Variants in TXNIP observed in about 807,000 individuals in gnomAD.
TXNIP encodes the protein thioredoxin interacting protein, also known as thioredoxin-interacting protein.
Under a neutral mutation model 43.9 loss-of-function variants are expected in TXNIP, and 23 were observed. That is an observed-to-expected ratio of 0.52 (90% CI 0.38 to 0.74). The LOEUF is 0.74. Among genes scored for constraint, TXNIP ranks in the 30% least tolerant of loss-of-function variants. TXNIP has a pLI of 0.00. For missense variants in TXNIP, 555 were observed against 485.4 expected (o/e 1.14, Z -1.35); for synonymous variants, 234 against 172.2 (o/e 1.36, Z -2.81).
chr1:145,994,529 C>T lies in TXNIP; in HGVS notation c.831+15G>A. On this transcript the variant is annotated intron_variant, in intron 5 of 7. Coordinates refer to ENST00000582401, the MANE Select transcript of TXNIP (RefSeq NM_006472.6). ...TGAACAATTTCTCTGCTGAAGCCAC[C>T]CTGCATCTACCCACCAGTAAGGAAT... 6.2e-7 allele frequency: 1 copy of T among 1,613,976 alleles called. No individual in the cohort carries two copies. The highest frequency in any genetic ancestry group is 8.5e-7 in the Non-Finnish European group (1 of 1,179,954).
chr1:145,993,750 C>T lies in TXNIP; in HGVS notation c.*101G>A. The T allele has an allele frequency of 7.2e-7, 1 of 1,393,486 alleles. No homozygotes were observed. The allele number at this position is 1,393,486 out of a possible 1,614,324, so 86.3% of individuals were successfully genotyped here. ...GAAGTCAGAGGCTAAGGTGGACCCA[C>T]ACTCCATTGCAGAGACTGTTGAGTC... On this transcript the variant is annotated 3_prime_UTR_variant, in exon 8 of 8. Coordinates refer to ENST00000582401, the MANE Select transcript of TXNIP (RefSeq NM_006472.6).
chr1:145,994,864 C>A, intron 4 of TXNIP, 64 bp from the exon 5 acceptor site: 1 of 1,613,688 alleles, frequency 6.2e-7, no homozygotes, highest in Non-Finnish European at 8.5e-7. Flanking sequence ...TCCTCTACCC[C>A]AGTCCCATGC....
At position 145,992,713 on chromosome 1, in the gene TXNIP, CCCTATCT is replaced by C. The variant is rs1651208419; in HGVS notation, c.*1131_*1137del. The C allele has an allele frequency of 6.5e-6, 1 of 152,814 alleles. No individual in the cohort carries two copies. Among genetic ancestry groups the C allele is most frequent in the Non-Finnish European group, 1.5e-5 (1 of 68,174 alleles). 9.5% of individuals were successfully genotyped at this position (152,814 alleles called of 1,614,324 possible). ...GGCAGCTGCAGTGAGGGGCCAATATCCCTATCTCCTAACACAGGGCAGGAAGGGGGTT... is the reference window on the plus strand; with the variant it reads ...GGCAGCTGCAGTGAGGGGCCAATATCCCTAACACAGGGCAGGAAGGGGGTT... On this transcript the variant is annotated 3_prime_UTR_variant, in exon 8 of 8. Transcript: ENST00000582401.
At position 145,995,036 on chromosome 1, in the gene TXNIP, A is replaced by G. The variant is rs782606021; in HGVS notation, c.472-5T>C. The stretch of plus-strand genomic sequence containing the variant: ...TTTTTTAGCAGACACAGGTGCCTAT[A>G]TAGAAGGGGATAAAAAGGTGTTTTG... On this transcript the variant is annotated splice_region_variant and splice_polypyrimidine_tract_variant and intron_variant, in intron 3 of 7. Coordinates refer to ENST00000582401, the MANE Select transcript of TXNIP (RefSeq NM_006472.6). 2.5e-6 allele frequency: 4 copies of G among 1,613,822 alleles called. No individual in the cohort carries two copies. Among genetic ancestry groups the G allele is most frequent in the Non-Finnish European group, 3.4e-6 (4 of 1,180,008 alleles).
chr1:145,994,828 T>A (rs782761638), intron 4 of TXNIP, 28 bp from the exon 5 acceptor site: 1 of 1,614,076 alleles, frequency 6.2e-7, no homozygotes, highest in Admixed American at 1.7e-5. Flanking sequence ...GAAAACTTAC[T>A]GATACTCAGT....
At position 145,996,521 on chromosome 1, in the gene TXNIP, G is replaced by T; in HGVS notation, c.-255C>A. On this transcript the variant is annotated 5_prime_UTR_variant, in exon 1 of 8. Transcript: ENST00000582401. ...AGAAAAAGCCTTCTTTCCCCCAATT[G>T]CTGGAGAAAAGATCCGATCTCCACA... The T allele has an allele frequency of 2.7e-6, 1 of 369,682 alleles. No individual in the cohort carries two copies. Among genetic ancestry groups the T allele is most frequent in the Non-Finnish European group, 5.0e-6 (1 of 201,708 alleles). The allele number at this position is 369,682 out of a possible 1,614,324, so 22.9% of individuals were successfully genotyped here.
intron 1 of TXNIP, chr1:145,995,797 G>C (rs1651486984): frequency 1.5e-6 from 1 of 649,648 alleles, no homozygotes; most frequent in Non-Finnish European, 2.6e-6. Flanking sequence ...CGCCCCTCAG[G>C]ATCCCCTTTA....
Position 145,996,155 on chromosome 1 carries a change from C to G in TXNIP, c.112G>C (p.Val38Leu), listed in dbSNP as rs373384569. Residue 38 changes from valine to leucine, a missense_variant, in exon 1 of 8, where the codon GTT becomes CTT. By Grantham distance (32) the Val-to-Leu change is conservative. Coordinates refer to ENST00000582401, the MANE Select transcript of TXNIP (RefSeq NM_006472.6). Reference protein sequence around the residue: ...AGRVIVEVCEVTRVKAVRILA... With the variant: ...AGRVIVEVCELTRVKAVRILA... ...ATCCTAACGGCTTTGACACGAGTAA[C>G]TTCACACACCTCCACTATCACCCGG... 1.2e-6 allele frequency: 2 copies of G among 1,614,106 alleles called. No individual in the cohort carries two copies. Among genetic ancestry groups the G allele is most frequent in the Admixed American group, 3.3e-5 (2 of 60,004 alleles).
Position 145,996,503 on chromosome 1 carries a change from G to A in TXNIP, c.-237C>T, listed in dbSNP as rs59266851. 1.9e-5 allele frequency: 8 copies of A among 414,626 alleles called. No individual in the cohort carries two copies. The Admixed American group carries it at 2.2e-4, about 11-fold the overall frequency. 25.7% of individuals were successfully genotyped at this position (414,626 alleles called of 1,614,324 possible). On this transcript the variant is annotated 5_prime_UTR_variant, in exon 1 of 8. Transcript: ENST00000582401. ...TACACTAAGCTAATTCAGAGAAAAA[G>A]CCTTCTTTCCCCCAATTGCTGGAGA...
At position 145,995,289 on chromosome 1, in the gene TXNIP, G is replaced by A. The variant is rs950236811; in HGVS notation, c.326C>T (p.Pro109Leu). ...YKFGFELPQG[P>L]LGTSFKGKYG... is the part of the protein sequence containing the mutation. ...TTTTCCTTTGAAGGATGTTCCCAGA[G>A]GCCTGTGTCAAGAAAATGAAAATTT... The change falls in exon 3 of 8, where the codon CCT becomes CTT. Residue 109 changes from proline to leucine, a missense_variant and splice_region_variant. By Grantham distance (98) the Pro-to-Leu change is moderately conservative (BLOSUM62 -3). Coordinates refer to ENST00000582401, the MANE Select transcript of TXNIP (RefSeq NM_006472.6). 2 of 1,612,010 alleles carry A rather than the reference G, an allele frequency of 1.2e-6. No individual in the cohort carries two copies. Among genetic ancestry groups the A allele is most frequent in the African/African-American group, 1.3e-5 (1 of 74,802 alleles).
chr1:145,994,582 G>A lies in TXNIP; in HGVS notation c.793C>T (p.Leu265=), dbSNP rs782344255. The part of the protein sequence containing the change: ...LRVQKIRPSI[L]GCNILRVEYS... ...TCAACTCGAAGGATGTTGCAGCCCA[G>A]GATAGAAGGCCTGATCTTCTGAACC... Residue 265 remains leucine (L), a synonymous_variant, in exon 5 of 8, where the codon CTG becomes TTG. Coordinates refer to ENST00000582401, the MANE Select transcript of TXNIP (RefSeq NM_006472.6). The A allele has an allele frequency of 6.8e-6, 11 of 1,614,206 alleles. No homozygotes were observed. Among genetic ancestry groups the A allele is most frequent in the Non-Finnish European group, 9.3e-6 (11 of 1,180,038 alleles).
chr1:145,995,970 C>A, intron 1 of TXNIP, 47 bp downstream of exon 1: 1 of 1,600,082 alleles, frequency 6.2e-7, no homozygotes, highest in Non-Finnish European at 8.5e-7. Context: ...ATTCAATTCT[C>A]TTCTCTAATC....
chr1:145,993,893 A>G lies in TXNIP; in HGVS notation c.1141-7T>C. On this transcript the variant is annotated splice_polypyrimidine_tract_variant and splice_region_variant and intron_variant, in intron 7 of 7. Coordinates refer to ENST00000582401, the MANE Select transcript of TXNIP (RefSeq NM_006472.6). ...TGAGGATGCAGGGATCCACCTAAAGAAAGAAACAGACTATTTCAGTTCAGG... is the reference window on the plus strand; with the variant it reads ...TGAGGATGCAGGGATCCACCTAAAGGAAGAAACAGACTATTTCAGTTCAGG... The G allele has an allele frequency of 5.6e-6, 9 of 1,614,188 alleles. No individual in the cohort carries two copies. The highest frequency in any genetic ancestry group is 7.6e-6 in the Non-Finnish European group (9 of 1,180,018).
At chr1:145,995,926 G>A (rs1651493996) in intron 1 of TXNIP, 91 bp downstream of exon 1, 2 of 1,490,476 alleles carry the variant, frequency 1.3e-6, no homozygotes, top group Non-Finnish European at 1.8e-6. Context: ...CACTCAAACT[G>A]AGCAACTTAA....
rs1651238899 is a variant in TXNIP, at chr1:145,993,036, ATT to A, written c.*813_*814del. Reference sequence around the variant, plus strand: ...AGATGGCAGAAGGGGAGAACAAAAAATTTGACAGGAATTAAAGTGCTAAGAAC... The same window carrying A: ...AGATGGCAGAAGGGGAGAACAAAAAATGACAGGAATTAAAGTGCTAAGAAC... On this transcript the variant is annotated 3_prime_UTR_variant, in exon 8 of 8. Transcript: ENST00000582401. 6.5e-6 allele frequency: 1 copy of A among 152,810 alleles called. No individual in the cohort carries two copies. Among genetic ancestry groups the A allele is most frequent in the Non-Finnish European group, 1.5e-5 (1 of 68,066 alleles). The allele number at this position is 152,810 out of a possible 1,614,324, so 9.5% of individuals were successfully genotyped here.
chr1:145,994,171 GAA>G lies in TXNIP; in HGVS notation c.989-6_989-5del, dbSNP rs1553765930. ...ACATCCATATAGCAGGGAGGAGCTA[GAA>G]AAGAAAATATGGCCACATAAGAATC... On this transcript the variant is annotated splice_region_variant and splice_polypyrimidine_tract_variant and intron_variant, in intron 6 of 7. Transcript: ENST00000582401. 1 of 1,613,784 alleles carries G rather than the reference GAA, an allele frequency of 6.2e-7. No individual in the cohort carries two copies. The highest frequency in any genetic ancestry group is 8.5e-7 in the Non-Finnish European group (1 of 1,179,926).
intron 7 of TXNIP, 22 bp downstream of exon 7, chr1:145,993,994 C>T (rs980538677): frequency 3.7e-6 from 6 of 1,614,090 alleles, no homozygotes; most frequent in Non-Finnish European, 5.1e-6. Context: ...ACAAATTTAA[C>T]AGTAAAGATG....
Position 145,993,736 on chromosome 1 carries a change from C to G in TXNIP, c.*115G>C. 1 of 1,260,488 alleles carries G rather than the reference C, an allele frequency of 7.9e-7. No individual in the cohort carries two copies. Among genetic ancestry groups the G allele is most frequent in the East Asian group, 2.4e-5 (1 of 40,998 alleles). 78.1% of individuals were successfully genotyped at this position (1,260,488 alleles called of 1,614,324 possible). ...ACCTCCTACATTAGGAAGTCAGAGG[C>G]TAAGGTGGACCCACACTCCATTGCA... On this transcript the variant is annotated 3_prime_UTR_variant, in exon 8 of 8. Transcript: ENST00000582401.
chr1:145,994,594 T>C lies in TXNIP; in HGVS notation c.781A>G (p.Arg261Gly). The C allele has an allele frequency of 6.2e-7, 1 of 1,614,228 alleles. No individual in the cohort carries two copies. Among genetic ancestry groups the C allele is most frequent in the Non-Finnish European group, 8.5e-7 (1 of 1,180,044 alleles). The change falls in exon 5 of 8, where the codon AGG becomes GGG. Residue 261 changes from arginine (R) to glycine (G), a missense_variant. Transcript: ENST00000582401. ...RGKSLRVQKI[R>G]PSILGCNILR... ...ATGTTGCAGCCCAGGATAGAAGGCC[T>C]GATCTTCTGAACCCGAAGGCTCTTG...
Sources: gnomAD v4.1 joint callset for allele counts on GRCh38, gnomAD v4.1.1 for gene constraint, MANE v1.5 for transcripts, NCBI Gene and HGNC (gene_info 2026-07-23, HGNC 2026-07-21) for gene names.